Variants in QTGAL observed in about 807,000 individuals in gnomAD.
The protein encoded by QTGAL is queuosine-tRNA galactosyltransferase.
the QTGAL span, among the ~76,000 whole-genome samples, chr17:83,021,630 G>C: frequency 6.6e-6 from 1 of 152,102 alleles, no homozygotes; most frequent in Non-Finnish European, 1.5e-5. Context: ...AAATCAGCAG[G>C]CTTGACCAGT....
chr17:83,025,737 A>G, the QTGAL span, among the ~76,000 whole-genome samples: 18 of 152,334 alleles, frequency 1.2e-4, no homozygotes, highest in African/African-American at 4.1e-4. Context: ...GGTGGAGGAG[A>G]TCACAGAGAC....
the QTGAL span, among the ~76,000 whole-genome samples, chr17:83,034,673 A>C: frequency 3.3e-5 from 5 of 152,334 alleles, no homozygotes; most frequent in Admixed American, 3.3e-4. Flanking sequence ...GAGGCCACTG[A>C]ATCACGGGGG....
chr17:82,996,077 T>C, the QTGAL span, among the ~76,000 whole-genome samples: 7 of 152,176 alleles, frequency 4.6e-5, no homozygotes, highest in African/African-American at 1.7e-4. Flanking sequence ...AAAACACTGA[T>C]GCAAGAAATT....
chr17:83,011,124 T>C, the QTGAL span, among the ~76,000 whole-genome samples: 2 of 152,216 alleles, frequency 1.3e-5, no homozygotes, highest in African/African-American at 4.8e-5. Context: ...CGATGTCTCC[T>C]GAGCCCAGGC....
the QTGAL span, among the ~76,000 whole-genome samples, chr17:83,037,517 G>A: frequency 6.3e-3 from 962 of 152,360 alleles, 14 homozygotes; most frequent in African/African-American, 0.022. The surrounding 1 kb of genome is among the most constrained non-coding windows in gnomAD (Gnocchi z 5.2). Flanking sequence ...AATGCACCCG[G>A]GGAGGCGAGC....
the QTGAL span, chr17:82,957,459 T>C: frequency 6.2e-7 from 1 of 1,610,450 alleles, no homozygotes; most frequent in Non-Finnish European, 8.5e-7. Flanking sequence ...GGCCTGCTCT[T>C]CCAGGAAGCG....
the QTGAL span, chr17:82,946,804 A>G: frequency 2.8e-5 from 35 of 1,231,762 alleles, no homozygotes; most frequent in Middle Eastern, 1.9e-4. Flanking sequence ...GAAAATTAGA[A>G]TAAGAGCAGA....
At chr17:82,943,705 C>G in the QTGAL span, 1 of 152,256 alleles carries the variant, frequency 6.6e-6, no homozygotes, top group African/African-American at 2.4e-5. Flanking sequence ...CCTGGCCACA[C>G]AGGAGTGTGG....
At chr17:83,007,450 G>A in the QTGAL span, among the ~76,000 whole-genome samples, 2 of 152,202 alleles carry the variant, frequency 1.3e-5, no homozygotes, top group Non-Finnish European at 2.9e-5. Context: ...GATTTTGAGG[G>A]AAGCTGATCA....
the QTGAL span, chr17:83,048,722 G>T: frequency 7.2e-5 from 116 of 1,614,028 alleles, 1 homozygote; most frequent in Middle Eastern, 1.6e-4. Flanking sequence ...AAGTCCTGTT[G>T]CAAAACAGAC....
At chr17:83,017,862 G>C in the QTGAL span, among the ~76,000 whole-genome samples, 1 of 149,506 alleles carries the variant, frequency 6.7e-6, no homozygotes, top group African/African-American at 2.5e-5. Flanking sequence ...GCCTGTATCG[G>C]GTACCACACG....
At chr17:83,011,940 A>G in the QTGAL span, among the ~76,000 whole-genome samples, 1 of 150,924 alleles carries the variant, frequency 6.6e-6, no homozygotes, top group African/African-American at 2.4e-5. Context: ...ACACGCCACG[A>G]ACTCCTCGTA....
At chr17:83,026,773 C>T in the QTGAL span, among the ~76,000 whole-genome samples, 91 of 105,082 alleles carry the variant, frequency 8.7e-4, 1 homozygote, top group Non-Finnish European at 9.8e-4. Context: ...CAGAGGAGGG[C>T]GGGGAGCCTG....
the QTGAL span, chr17:82,944,648 A>T: frequency 6.6e-6 from 1 of 152,228 alleles, no homozygotes; most frequent in African/African-American, 2.4e-5. Flanking sequence ...TTGTGAGTTT[A>T]GAGAGCAGCA....
chr17:82,971,003 C>T, the QTGAL span, among the ~76,000 whole-genome samples: 131 of 152,262 alleles, frequency 8.6e-4, no homozygotes, highest in South Asian at 1.9e-3. Flanking sequence ...GTCCGTTCCA[C>T]AGGTCGGCGT....
At chr17:82,964,145 C>G in the QTGAL span, among the ~76,000 whole-genome samples, 2 of 149,950 alleles carry the variant, frequency 1.3e-5, no homozygotes, top group Admixed American at 1.3e-4. Flanking sequence ...CACCTGTAGT[C>G]TCAGCTACTC....
chr17:82,976,233 C>T, the QTGAL span, among the ~76,000 whole-genome samples: 3 of 86,840 alleles, frequency 3.5e-5, no homozygotes, highest in Non-Finnish European at 6.6e-5. Flanking sequence ...AGCCGGACTC[C>T]ATCCTCCCAG....
the QTGAL span, among the ~76,000 whole-genome samples, chr17:83,002,469 G>A: frequency 1.3e-5 from 2 of 152,328 alleles, no homozygotes; most frequent in Middle Eastern, 3.4e-3. Context: ...GAAAAGCACA[G>A]CAACTCACTC....
chr17:83,048,458 C>T, the QTGAL span: 1 of 1,581,846 alleles, frequency 6.3e-7, no homozygotes, highest in Non-Finnish European at 8.7e-7. Context: ...ATAAACTAAG[C>T]ATGTTTACTT....
Sources: gnomAD v4.1 joint callset for allele counts (sites outside exome capture counted in the v4.1 genomes callset) on GRCh38, gnomAD v4.1.1 for gene constraint, Gnocchi (gnomAD v3.1) non-coding constraint, MANE v1.5 for transcripts, NCBI Gene and HGNC (gene_info 2026-07-23, HGNC 2026-07-21) for gene names.